Variants in NTNG1 observed in about 807,000 individuals in gnomAD.
NTNG1 encodes the protein netrin G1.
A neutral mutation model predicts 54.0 loss-of-function variants in NTNG1; 16 were observed. The ratio of observed to expected loss-of-function variants is 0.30; its 90% CI spans 0.20 to 0.45. The LOEUF (loss-of-function observed/expected upper bound fraction) is 0.45. Ranked by LOEUF, NTNG1 falls within the 20% of genes least tolerant of loss-of-function variation. NTNG1 has a pLI of 1.00. For missense variants in NTNG1, 530 were observed against 678.7 expected (o/e 0.78, Z 2.43); for synonymous variants, 255 against 263.1 (o/e 0.97, Z 0.30).
intron 3 of NTNG1, among the ~76,000 whole-genome samples, chr1:107,366,395 A>G (rs1373651383): frequency 3.3e-5 from 5 of 152,222 alleles, no homozygotes; most frequent in Non-Finnish European, 7.3e-5. Context: ...AATTAAATAT[A>G]GACCCAAAAA....
chr1:107,142,572 G>T (rs1409622671), intron 1 of NTNG1, among the ~76,000 whole-genome samples: 1 of 151,326 alleles, frequency 6.6e-6, no homozygotes, highest in Non-Finnish European at 1.5e-5. Flanking sequence ...GTAAGATTCA[G>T]AACTCCACTA....
intron 2 of NTNG1, among the ~76,000 whole-genome samples, chr1:107,178,759 G>T (rs1439226933): frequency 1.3e-5 from 2 of 152,100 alleles, no homozygotes; most frequent in African/African-American, 2.4e-5. Flanking sequence ...TCTTTTCTAG[G>T]TGACATATTG....
At chr1:107,469,853 G>A (rs992203098) in intron 7 of NTNG1, among the ~76,000 whole-genome samples, 2 of 152,062 alleles carry the variant, frequency 1.3e-5, no homozygotes, top group African/African-American at 4.8e-5. Context: ...GTGCAGGTAC[G>A]TACAAGGGCA....
intron 1 of NTNG1, among the ~76,000 whole-genome samples, chr1:107,145,873 G>A (rs1654068910): frequency 1.3e-5 from 2 of 151,996 alleles, no homozygotes. Flanking sequence ...ATACTTTAAT[G>A]AGAATTCGTT....
At chr1:107,276,325 C>G (rs1253062245) in intron 2 of NTNG1, among the ~76,000 whole-genome samples, 7 of 152,104 alleles carry the variant, frequency 4.6e-5, no homozygotes, top group Non-Finnish European at 1.5e-5. Context: ...TCTCACTTTT[C>G]AGGTCTACCA....
At chr1:107,449,547 C>G (rs1204416289) in intron 7 of NTNG1, among the ~76,000 whole-genome samples, 2 of 151,966 alleles carry the variant, frequency 1.3e-5, no homozygotes, top group Non-Finnish European at 2.9e-5. Context: ...TAACTAATGC[C>G]AAGAGCACTG....
At chr1:107,247,267 GTCTTT>G in intron 2 of NTNG1, among the ~76,000 whole-genome samples, 1 of 152,210 alleles carries the variant, frequency 6.6e-6, no homozygotes, top group African/African-American at 2.4e-5. Flanking sequence ...TAATTAGCTG[GTCTTT>G]TCTTTGTGTT....
chr1:107,372,956 C>G (rs956606551), intron 3 of NTNG1, among the ~76,000 whole-genome samples: 1 of 152,272 alleles, frequency 6.6e-6, no homozygotes, highest in Non-Finnish European at 1.5e-5. Flanking sequence ...ATCATTCCAG[C>G]TTCCTTCGGG....
chr1:107,440,613 C>A (rs1200282980), intron 7 of NTNG1, among the ~76,000 whole-genome samples: 1 of 152,126 alleles, frequency 6.6e-6, no homozygotes, highest in Non-Finnish European at 1.5e-5. Context: ...AAGCAAGAAT[C>A]CATGTTCAAA....
intron 5 of NTNG1, among the ~76,000 whole-genome samples, chr1:107,425,929 T>C (rs907873874): frequency 2.0e-5 from 3 of 152,116 alleles, no homozygotes; most frequent in African/African-American, 4.8e-5. Flanking sequence ...CTCTGTTGAT[T>C]AGTGATACTG....
intron 3 of NTNG1, among the ~76,000 whole-genome samples, chr1:107,374,853 TATTAAGTTATTTGG>T (rs1461628411): frequency 1.3e-5 from 2 of 152,152 alleles, no homozygotes; most frequent in East Asian, 3.8e-4. Context: ...TTCTGTGATT[TATTAAGTTATTTGG>T]AAACTGTTAG....
At chr1:107,338,456 G>A (rs1048344587) in intron 3 of NTNG1, among the ~76,000 whole-genome samples, 18 of 151,928 alleles carry the variant, frequency 1.2e-4, no homozygotes, top group African/African-American at 3.9e-4. Flanking sequence ...GCTGCTGCAA[G>A]CCTGAGCTAG....
intron 3 of NTNG1, among the ~76,000 whole-genome samples, chr1:107,369,485 T>G (rs1258490163): frequency 6.6e-6 from 1 of 152,176 alleles, no homozygotes; most frequent in Non-Finnish European, 1.5e-5. Context: ...TAATTGGCAC[T>G]TTACTAATAA....
At chr1:107,203,167 G>T (rs926450173) in intron 2 of NTNG1, among the ~76,000 whole-genome samples, 1 of 151,568 alleles carries the variant, frequency 6.6e-6, no homozygotes, top group Non-Finnish European at 1.5e-5. Context: ...AATGTAGCAA[G>T]AATGTTCTTT....
intron 6 of NTNG1, among the ~76,000 whole-genome samples, chr1:107,432,041 C>G (rs1675300450): frequency 6.6e-6 from 1 of 152,142 alleles, no homozygotes; most frequent in Admixed American, 6.5e-5. Context: ...CTGTTGGTGT[C>G]TACAGTACTT....
At chr1:107,296,496 G>A (rs954756311) in intron 2 of NTNG1, among the ~76,000 whole-genome samples, 4 of 151,064 alleles carry the variant, frequency 2.6e-5, no homozygotes, top group African/African-American at 9.7e-5. Context: ...GTGGAATATT[G>A]GGGATTATTT....
At chr1:107,434,281 G>A (rs1390501271) in intron 6 of NTNG1, among the ~76,000 whole-genome samples, 1 of 152,202 alleles carries the variant, frequency 6.6e-6, no homozygotes, top group Admixed American at 6.5e-5. Flanking sequence ...ATAAAATGCA[G>A]CAGGCTATTC....
intron 2 of NTNG1, among the ~76,000 whole-genome samples, chr1:107,313,863 C>T (rs1489803645): frequency 1.3e-5 from 2 of 151,972 alleles, no homozygotes; most frequent in African/African-American, 4.8e-5. Flanking sequence ...GGAATCTGCT[C>T]CTCTCATGTT....
intron 2 of NTNG1, among the ~76,000 whole-genome samples, chr1:107,261,321 T>A (rs2101651607): frequency 6.6e-6 from 1 of 152,280 alleles, no homozygotes; most frequent in African/African-American, 2.4e-5. Context: ...ATAAATGCTT[T>A]GTAAGCATCT....
Sources: gnomAD v4.1 joint callset for allele counts (sites outside exome capture counted in the v4.1 genomes callset) on GRCh38, gnomAD v4.1.1 for gene constraint, MANE v1.5 for transcripts, NCBI Gene and HGNC (gene_info 2026-07-23, HGNC 2026-07-21) for gene names.